ZNF277: variants seen among roughly 807,000 people sequenced by gnomAD.
ZNF277 encodes the protein nuclear receptor-interacting factor 4.
ZNF277 carries 55 observed loss-of-function variants against 60.7 expected under a neutral mutation model. That is an observed-to-expected ratio of 0.91 (90% CI 0.73 to 1.13). The LOEUF (loss-of-function observed/expected upper bound fraction) is 1.13, where lower values mean the gene tolerates loss of function less well. Among genes scored for constraint, ZNF277 ranks in the 50% most tolerant of loss-of-function variants. The probability of loss-of-function intolerance (pLI) is 0.00; values close to 1 mark genes in which losing one functional copy is unlikely to be tolerated. For missense variants in ZNF277, 510 were observed against 523.0 expected, an observed-to-expected ratio of 0.98 and a Z score of 0.24; for synonymous variants, 178 against 179.3, an observed-to-expected ratio of 0.99 and a Z score of 0.06.
chr7:112,326,531 G>C (rs1273962424), intron 5 of ZNF277, among the ~76,000 whole-genome samples: 1 of 151,906 alleles, frequency 6.6e-6, no homozygotes, highest in African/African-American at 2.4e-5. Flanking sequence ...GGGCCCAAAA[G>C]GCACTGTGAA....
At chr7:112,282,786 A>G (rs1383409338) in intron 1 of ZNF277, among the ~76,000 whole-genome samples, 1 of 152,218 alleles carries the variant, frequency 6.6e-6, no homozygotes, top group Non-Finnish European at 1.5e-5. Flanking sequence ...AAGAGTGCTA[A>G]AGTGTAAGCA....
chr7:112,242,267 A>G (rs1790975096), intron 1 of ZNF277, among the ~76,000 whole-genome samples: 3 of 152,080 alleles, frequency 2.0e-5, no homozygotes, highest in Admixed American at 2.0e-4. Context: ...TCAAAATAAT[A>G]AATGCAGTAA....
intron 11 of ZNF277, among the ~76,000 whole-genome samples, chr7:112,341,278 A>G (rs1342044242): frequency 6.6e-6 from 1 of 152,214 alleles, no homozygotes; most frequent in Non-Finnish European, 1.5e-5. Context: ...ATGGAGATAG[A>G]TACATATGTA....
chr7:112,322,751 C>G (rs1793012442), intron 5 of ZNF277, among the ~76,000 whole-genome samples: 1 of 151,984 alleles, frequency 6.6e-6, no homozygotes, highest in Admixed American at 6.6e-5. Context: ...GCTTTCTTCC[C>G]CCATGTATGT....
At chr7:112,277,191 C>G (rs1791823316) in intron 1 of ZNF277, among the ~76,000 whole-genome samples, 1 of 148,828 alleles carries the variant, frequency 6.7e-6, no homozygotes, top group Non-Finnish European at 1.5e-5. Context: ...TCACACCATT[C>G]TCCTGCCTCA....
At chr7:112,286,833 C>G in intron 1 of ZNF277, 40 bp from the exon 2 acceptor site, 1 of 1,294,098 alleles carries the variant, frequency 7.7e-7, no homozygotes, top group Non-Finnish European at 1.0e-6. Flanking sequence ...TTCAGCTTTT[C>G]TTTCTTTCTT....
chr7:112,215,300 T>G (rs1821850972), intron 1 of ZNF277, among the ~76,000 whole-genome samples: 1 of 152,220 alleles, frequency 6.6e-6, no homozygotes, highest in Admixed American at 6.5e-5. Context: ...AAAGCTGGAA[T>G]CAAGACAAAT....
Position 112,236,819 on chromosome 7 carries a change from T to C in ZNF277, c.91+30012T>C, listed in dbSNP as rs117821878. Among the ~76,000 whole-genome samples the C allele has an allele frequency of 8.2e-3, 1,241 of 152,176 alleles. 6 individuals carry two copies. The highest frequency in any genetic ancestry group is 0.011 in the Non-Finnish European group (780 of 67,970). On this transcript the variant is annotated intron_variant, in intron 1 of 11. Transcript: ENST00000361822. ...CACACCACTGACAACACTAGACAGATCATCCAGACAGAAAATCAACAAAAA... is the reference window on the plus strand; with the variant it reads ...CACACCACTGACAACACTAGACAGACCATCCAGACAGAAAATCAACAAAAA...
chr7:112,209,141 G>A (rs536696827), intron 1 of ZNF277, among the ~76,000 whole-genome samples: 1 of 151,218 alleles, frequency 6.6e-6, no homozygotes, highest in Non-Finnish European at 1.5e-5. Context: ...AAATATGATT[G>A]TGCCATTCTT....
intron 5 of ZNF277, among the ~76,000 whole-genome samples, chr7:112,327,016 A>G (rs2117125127): frequency 6.6e-6 from 1 of 152,362 alleles, no homozygotes. Flanking sequence ...TGCATTTAAT[A>G]GACCTGTTAA....
intron 2 of ZNF277, among the ~76,000 whole-genome samples, chr7:112,293,735 G>A (rs1437404319): frequency 6.6e-6 from 1 of 152,176 alleles, no homozygotes; most frequent in Admixed American, 6.5e-5. Flanking sequence ...TATTCAAGGA[G>A]TTATCACTGC....
intron 4 of ZNF277, among the ~76,000 whole-genome samples, chr7:112,303,171 A>C (rs1792517148): frequency 6.6e-6 from 1 of 151,876 alleles, no homozygotes; most frequent in Non-Finnish European, 1.5e-5. Flanking sequence ...GGCTGATCTC[A>C]AACTCCTGAC....
At chr7:112,334,908 TTC>T (rs1793301073) in intron 7 of ZNF277, among the ~76,000 whole-genome samples, 1 of 152,154 alleles carries the variant, frequency 6.6e-6, no homozygotes, top group Non-Finnish European at 1.5e-5. Context: ...TGTAATGAGA[TTC>T]AGACACTTCA....
At position 112,337,645 on chromosome 7, in the gene ZNF277, A is replaced by T. The variant is rs559216435; in HGVS notation, c.870-85A>T. 1.6e-5 allele frequency: 18 copies of T among 1,151,972 alleles called. No homozygotes were observed. The South Asian group carries it at 2.8e-4, about 18-fold the overall frequency. 71.4% of individuals were successfully genotyped at this position (1,151,972 alleles called of 1,614,324 possible). The stretch of plus-strand genomic sequence containing the variant: ...AAGAGATTGGCAGGGTTTTTTAGTA[A>T]GGAGAAAGCAATACCAAGTCACTGT... On this transcript the variant is annotated intron_variant, in intron 8 of 11. Transcript: ENST00000361822.
intron 1 of ZNF277, among the ~76,000 whole-genome samples, chr7:112,238,849 TG>T (rs1790871414): frequency 6.6e-6 from 1 of 150,798 alleles, no homozygotes; most frequent in South Asian, 2.1e-4. Context: ...TTAGGTTACA[TG>T]AATAAGTTAT....
chr7:112,242,163 G>T (rs1461279061), intron 1 of ZNF277, among the ~76,000 whole-genome samples: 3 of 151,792 alleles, frequency 2.0e-5, no homozygotes, highest in Admixed American at 6.6e-5. Flanking sequence ...TTTAAAAAAA[G>T]ATAATCTCAA....
chr7:112,328,352 T>C (rs182964471), intron 6 of ZNF277: 12 of 152,384 alleles, frequency 7.9e-5, no homozygotes, highest in Admixed American at 5.2e-4. Flanking sequence ...TATATAATAC[T>C]CCATTTCCTC....
At chr7:112,242,410 G>C (rs1180532069) in intron 1 of ZNF277, among the ~76,000 whole-genome samples, 7 of 151,844 alleles carry the variant, frequency 4.6e-5, no homozygotes, top group South Asian at 2.1e-4. Context: ...GCTTGCGATA[G>C]GTGCTAAAGA....
intron 7 of ZNF277, among the ~76,000 whole-genome samples, chr7:112,331,033 C>T (rs1793219396): frequency 6.6e-6 from 1 of 152,166 alleles, no homozygotes; most frequent in Non-Finnish European, 1.5e-5. Context: ...CTTCAGTCAG[C>T]TTATTTTTAA....
Sources: gnomAD v4.1 joint callset for allele counts (sites outside exome capture counted in the v4.1 genomes callset) on GRCh38, gnomAD v4.1.1 for gene constraint, MANE v1.5 for transcripts, NCBI Gene and HGNC (gene_info 2026-07-23, HGNC 2026-07-21) for gene names.